SLCO6A1: variants seen among roughly 807,000 people sequenced by gnomAD.
SLCO6A1 encodes the protein cancer/testis antigen 48.
Under a neutral mutation model 72.7 loss-of-function variants are expected in SLCO6A1, and 65 were observed. The ratio of observed to expected loss-of-function variants is 0.89; its 90% CI spans 0.73 to 1.10. SLCO6A1 has a LOEUF of 1.10. Among genes scored for constraint, SLCO6A1 ranks in the 50% least tolerant of loss-of-function variants. SLCO6A1 has a pLI of 0.00. For synonymous variants in SLCO6A1, 314 were observed against 298.2 expected (o/e 1.05, Z -0.55); for missense variants, 874 against 872.6 (o/e 1.00, Z -0.02).
chr5:102,407,629 A>C (rs552779718), intron 9 of SLCO6A1, among the ~76,000 whole-genome samples: 2 of 152,344 alleles, frequency 1.3e-5, no homozygotes, highest in East Asian at 3.9e-4. Context: ...GGTGAGCCTT[A>C]AAATGTACCG....
chr5:102,382,203 C>T (rs1435357830), intron 12 of SLCO6A1, among the ~76,000 whole-genome samples: 1 of 151,580 alleles, frequency 6.6e-6, no homozygotes, highest in Non-Finnish European at 1.5e-5. Flanking sequence ...TTTCATTATT[C>T]TGCATATGGC....
chr5:102,444,508 A>G (rs1377675429), intron 6 of SLCO6A1, among the ~76,000 whole-genome samples: 1 of 152,234 alleles, frequency 6.6e-6, no homozygotes, highest in Admixed American at 6.5e-5. Flanking sequence ...TTTATGCTAA[A>G]TAGCCATAAT....
At chr5:102,373,701 A>C (rs989872320) in intron 12 of SLCO6A1, among the ~76,000 whole-genome samples, 3 of 152,148 alleles carry the variant, frequency 2.0e-5, no homozygotes, top group African/African-American at 7.2e-5. Flanking sequence ...TAGATTTCTT[A>C]GACATATTAC....
chr5:102,417,713 T>C (rs1420139817), intron 8 of SLCO6A1, among the ~76,000 whole-genome samples: 1 of 152,218 alleles, frequency 6.6e-6, no homozygotes, highest in African/African-American at 2.4e-5. Flanking sequence ...TTTATGTAGA[T>C]TCATATTTAC....
At chr5:102,388,093 A>T (rs1483580061) in intron 12 of SLCO6A1, among the ~76,000 whole-genome samples, 1 of 152,136 alleles carries the variant, frequency 6.6e-6, no homozygotes, top group Non-Finnish European at 1.5e-5. Context: ...GATGTTCTCT[A>T]ATGGTGCAAA....
At chr5:102,412,249 C>T (rs1748027358) in intron 9 of SLCO6A1, among the ~76,000 whole-genome samples, 1 of 151,996 alleles carries the variant, frequency 6.6e-6, no homozygotes, top group African/African-American at 2.4e-5. Context: ...TCTCATGCCT[C>T]CCTAAAATGT....
At chr5:102,475,595 G>A in intron 4 of SLCO6A1, 102 bp downstream of exon 4, 1 of 665,894 alleles carries the variant, frequency 1.5e-6, no homozygotes, top group South Asian at 2.6e-5. Flanking sequence ...CTAAAACTAT[G>A]GTTATTACAA....
chr5:102,452,387 A>G (rs1168004993), intron 6 of SLCO6A1, among the ~76,000 whole-genome samples: 5 of 151,992 alleles, frequency 3.3e-5, no homozygotes, highest in Admixed American at 6.6e-5. Flanking sequence ...AAATATTTCT[A>G]ATCCATTTTA....
intron 1 of SLCO6A1, among the ~76,000 whole-genome samples, chr5:102,495,803 G>A (rs895792946): frequency 6.6e-6 from 1 of 151,996 alleles, no homozygotes; most frequent in South Asian, 2.1e-4. Flanking sequence ...GGGAAAAAAG[G>A]CCTGAGTCTG....
rs372715111 is a variant in SLCO6A1 at position 102,438,984 on chromosome 5, T to C, written c.1132-223A>G. ...TACAAATTCTATAAAAGAAAGTTTG[T>C]TTTTGACCATTTAAATTTTGATTTG... On this transcript the variant is annotated intron_variant, in intron 6 of 13. Transcript: ENST00000506729. 3.3e-5 allele frequency among the ~76,000 whole-genome samples: 5 copies of C among 152,118 alleles called. No homozygotes were observed. The South Asian group carries it at 1.0e-3, about 32-fold the overall frequency.
chr5:102,446,348 A>C (rs536322487), intron 6 of SLCO6A1, among the ~76,000 whole-genome samples: 1 of 152,210 alleles, frequency 6.6e-6, no homozygotes, highest in South Asian at 2.1e-4. Context: ...ATGGGATTGC[A>C]TTCTTGATTT....
At chr5:102,418,211 T>C (rs760184721) in intron 8 of SLCO6A1, among the ~76,000 whole-genome samples, 7 of 152,050 alleles carry the variant, frequency 4.6e-5, no homozygotes. Context: ...ATGTATAAAG[T>C]ATATGTATAT....
chr5:102,429,586 T>A (rs1288495613), intron 7 of SLCO6A1, among the ~76,000 whole-genome samples: 1 of 151,122 alleles, frequency 6.6e-6, no homozygotes, highest in East Asian at 1.9e-4. Context: ...CTTGTTTTAG[T>A]CAGGTTTGTT....
intron 4 of SLCO6A1, among the ~76,000 whole-genome samples, chr5:102,464,700 C>T (rs1180335200): frequency 4.6e-5 from 7 of 152,052 alleles, no homozygotes; most frequent in Admixed American, 3.3e-4. Context: ...CAAATGTAGC[C>T]TTTATTAAAG....
At chr5:102,423,589 T>C (rs1748727219) in intron 7 of SLCO6A1, among the ~76,000 whole-genome samples, 1 of 152,194 alleles carries the variant, frequency 6.6e-6, no homozygotes, top group Non-Finnish European at 1.5e-5. Flanking sequence ...TAAATATATA[T>C]GCACCCAATA....
chr5:102,414,939 AT>A (rs1402249703), intron 8 of SLCO6A1, among the ~76,000 whole-genome samples: 1 of 140,570 alleles, frequency 7.1e-6, no homozygotes, highest in Non-Finnish European at 1.6e-5. Flanking sequence ...AAATAAATAA[AT>A]TAATTAATAA....
chr5:102,477,626 T>A, intron 3 of SLCO6A1, 50 bp downstream of exon 3: 1 of 1,532,870 alleles, frequency 6.5e-7, no homozygotes, highest in Non-Finnish European at 8.9e-7. Flanking sequence ...ATACCAAAAT[T>A]CAAAGAAAAC....
chr5:102,489,112 G>T (rs1462846646), intron 1 of SLCO6A1, among the ~76,000 whole-genome samples: 1 of 152,156 alleles, frequency 6.6e-6, no homozygotes, highest in African/African-American at 2.4e-5. Context: ...TCAAGAAATT[G>T]AGCAATGCTC....
intron 12 of SLCO6A1, among the ~76,000 whole-genome samples, chr5:102,374,119 C>A (rs1745646642): frequency 6.6e-6 from 1 of 151,754 alleles, no homozygotes; most frequent in Non-Finnish European, 1.5e-5. Flanking sequence ...CTTACTGCAG[C>A]CTTGACCTTC....
Sources: allele counts gnomAD v4.1 joint callset (sites outside exome capture counted in the v4.1 genomes callset), GRCh38; gene constraint gnomAD v4.1.1; transcripts MANE v1.5; gene names NCBI Gene and HGNC (gene_info 2026-07-23, HGNC 2026-07-21).